The following EZH2 variants were observed in gnomAD, a reference collection of about 807,000 sequenced individuals.
EZH2 encodes histone-lysine N-methyltransferase EZH2.
EZH2 carries 18 observed loss-of-function variants against 98.4 expected under a neutral mutation model. That is an observed-to-expected ratio of 0.18 (90% CI 0.13 to 0.27). The LOEUF is 0.27. Ranked by LOEUF, EZH2 falls within the 10% of genes least tolerant of loss-of-function variation. The probability of loss-of-function intolerance (pLI) is 1.00; values close to 1 mark genes in which losing one functional copy is unlikely to be tolerated. For synonymous variants in EZH2, 338 were observed against 312.3 expected, an observed-to-expected ratio of 1.08 and a Z score of -0.87; for missense variants, 470 against 935.1, an observed-to-expected ratio of 0.50 and a Z score of 6.49.
chr7:148,849,223 A>C (rs2129485930), intron 1 of EZH2, among the ~76,000 whole-genome samples: 1 of 152,316 alleles, frequency 6.6e-6, no homozygotes, highest in Non-Finnish European at 1.5e-5. Context: ...CTTTGGGAGA[A>C]AGAAAAGAAT....
Position 148,819,570 on chromosome 7 carries a change from TGCAATAATTAG to T in EZH2, c.999+15_999+25del. On this transcript the variant is annotated intron_variant, in intron 9 of 19. Transcript: ENST00000320356. ...GTGCAAAGTCCTCTCAAGTACCCTC[TGCAATAATTAG>T]GCACTAAGTCTTACCAAATGCTGGT... 6.3e-7 allele frequency: 1 copy of T among 1,593,630 alleles called. No individual in the cohort carries two copies. Among genetic ancestry groups the T allele is most frequent in the Non-Finnish European group, 8.6e-7 (1 of 1,162,030 alleles).
chr7:148,807,814 T>TAAAAA, intron 19 of EZH2, 108 bp from the exon 20 acceptor site: 6 of 399,444 alleles, frequency 1.5e-5, no homozygotes, highest in South Asian at 7.8e-5. Flanking sequence ...AAAATGTCTT[T>TAAAAA]AAAAAAAAAA....
In EZH2 at chr7:148,819,678, G is replaced by A. The variant is rs2129472403; in HGVS notation, c.917C>T (p.Ala306Val). ...CTTCCGCTTATAAGTGTTGGGTGTT[G>A]CATGAAAAGCTGCAAAATAAATGAA... ...LHRKCNYSFH[A>V]TPNTYKRKNT... Residue 306 changes from alanine to valine, a missense_variant, in exon 9 of 20, where the codon GCA becomes GTA. Physicochemically the swap from Ala to Val is moderately conservative, Grantham distance 64 (BLOSUM62 0). This residue lies in a region of EZH2 where 192 missense variants were observed against 306.8 expected (regional missense o/e 0.63). Coordinates refer to ENST00000320356, the MANE Select transcript of EZH2 (RefSeq NM_004456.5). The A allele has an allele frequency of 6.2e-7, 1 of 1,613,682 alleles. No homozygotes were observed. The highest frequency in any genetic ancestry group is 8.5e-7 in the Non-Finnish European group (1 of 1,179,786).
Position 148,810,511 on chromosome 7 carries a change from G to A in EZH2, c.1948-97C>T. 4.1e-6 allele frequency: 3 copies of A among 731,372 alleles called. No homozygotes were observed. In the Admixed American group the frequency reaches 6.4e-5, roughly 16 times the overall value. The allele number at this position is 731,372 out of a possible 1,614,324, so 45.3% of individuals were successfully genotyped here. Reference sequence around the variant, plus strand: ...CACAGAGTGAATACTGGACCTTCTGGAGAAAACGCAACAAAAAGGGTCACT... The same window carrying A: ...CACAGAGTGAATACTGGACCTTCTGAAGAAAACGCAACAAAAAGGGTCACT... On this transcript the variant is annotated intron_variant, in intron 16 of 19. Coordinates refer to ENST00000320356, the MANE Select transcript of EZH2 (RefSeq NM_004456.5).
chr7:148,876,458 T>C (rs1375409764), intron 1 of EZH2, among the ~76,000 whole-genome samples: 2 of 152,210 alleles, frequency 1.3e-5, no homozygotes, highest in East Asian at 1.9e-4. Flanking sequence ...ATGTAAATTA[T>C]ACTTCAATAC....
intron 1 of EZH2, among the ~76,000 whole-genome samples, chr7:148,872,010 T>C (rs1385173592): frequency 6.6e-6 from 1 of 152,236 alleles, no homozygotes; most frequent in Non-Finnish European, 1.5e-5. Flanking sequence ...GAGATATTTG[T>C]ATACCAACAT....
chr7:148,828,387 C>A (rs1253980162), intron 6 of EZH2, among the ~76,000 whole-genome samples: 2 of 152,080 alleles, frequency 1.3e-5, no homozygotes, highest in Non-Finnish European at 2.9e-5. Flanking sequence ...CCCAGCCAGA[C>A]TGTGCAGTGG....
chr7:148,810,442 C>A (rs73469687), intron 16 of EZH2, 28 bp from the exon 17 acceptor site: 15 of 1,530,476 alleles, frequency 9.8e-6, no homozygotes, highest in South Asian at 6.7e-5. Flanking sequence ...GGAGAAAATT[C>A]TTTTGGATAA....
At chr7:148,828,139 A>G (rs75344305) in intron 6 of EZH2, among the ~76,000 whole-genome samples, 1,742 of 152,290 alleles carry the variant, frequency 0.011, 26 homozygotes, top group African/African-American at 0.04. Flanking sequence ...TGGATCTGAT[A>G]ATAACATCCA....
intron 8 of EZH2, among the ~76,000 whole-genome samples, chr7:148,826,157 T>C (rs1279072090): frequency 6.6e-6 from 1 of 152,086 alleles, no homozygotes; most frequent in Non-Finnish European, 1.5e-5. Context: ...GGCTACCAGT[T>C]CATAATAATA....
intron 1 of EZH2, among the ~76,000 whole-genome samples, chr7:148,870,828 C>T (rs1204309920): frequency 1.3e-5 from 2 of 151,642 alleles, no homozygotes; most frequent in African/African-American, 4.9e-5. Context: ...ACTCAGGAGG[C>T]TGAGGCAGGA....
chr7:148,827,086 G>C, intron 7 of EZH2, 78 bp downstream of exon 7: 2 of 1,068,438 alleles, frequency 1.9e-6, no homozygotes, highest in South Asian at 1.5e-5. Flanking sequence ...CCGCTACATT[G>C]ATTCCATTTG....
At chr7:148,849,615 A>G (rs890401448) in intron 1 of EZH2, among the ~76,000 whole-genome samples, 21 of 152,334 alleles carry the variant, frequency 1.4e-4, no homozygotes, top group African/African-American at 4.3e-4. Context: ...TAAGCAGGCT[A>G]AACTCAAGAT....
At chr7:148,870,226 A>C (rs1819152995) in intron 1 of EZH2, among the ~76,000 whole-genome samples, 1 of 152,222 alleles carries the variant, frequency 6.6e-6, no homozygotes, top group Admixed American at 6.5e-5. Flanking sequence ...TACTCTAGAA[A>C]AGTATTTCCC....
intron 15 of EZH2, 67 bp from the exon 16 acceptor site, chr7:148,811,787 C>A: frequency 7.4e-7 from 1 of 1,355,184 alleles, no homozygotes; most frequent in Non-Finnish European, 1.0e-6. Context: ...ACAAAGTAGA[C>A]TACAGAATGA....
At position 148,872,531 on chromosome 7, in the gene EZH2, T is replaced by C. The variant is rs114011957; in HGVS notation, c.-8+11633A>G. On this transcript the variant is annotated intron_variant, in intron 1 of 19. Coordinates refer to ENST00000320356, the MANE Select transcript of EZH2 (RefSeq NM_004456.5). Reference sequence around the variant, plus strand: ...AAAGTAAAATGTTTGATTTAGAAACTACATGTATATTAGGTACAGGTTAGG... The same window carrying C: ...AAAGTAAAATGTTTGATTTAGAAACCACATGTATATTAGGTACAGGTTAGG... 1.5e-3 allele frequency among the ~76,000 whole-genome samples: 231 copies of C among 152,352 alleles called. 2 individuals carry two copies. Among genetic ancestry groups the C allele is most frequent in the African/African-American group, 5.1e-3 (214 of 41,582 alleles).
intron 3 of EZH2, 70 bp from the exon 4 acceptor site, chr7:148,832,820 TAA>T: frequency 1.1e-6 from 1 of 904,396 alleles, no homozygotes; most frequent in East Asian, 2.4e-5. Context: ...CATCATATTG[TAA>T]AGAGATGCTG....
At chr7:148,882,621 G>A (rs1246141739) in intron 1 of EZH2, among the ~76,000 whole-genome samples, 2 of 152,152 alleles carry the variant, frequency 1.3e-5, no homozygotes, top group Admixed American at 6.5e-5. Context: ...CTTATGAAGA[G>A]TAATAGAAAA....
At chr7:148,837,070 G>C (rs1407896927) in intron 3 of EZH2, 7 of 439,552 alleles carry the variant, frequency 1.6e-5, no homozygotes, top group Non-Finnish European at 2.3e-5. Context: ...CTTTACCAAA[G>C]TTAGCTTCTT....
Sources: allele counts gnomAD v4.1 joint callset (sites outside exome capture counted in the v4.1 genomes callset), GRCh38; gene constraint gnomAD v4.1.1; regional missense constraint gnomAD v4.1.1; transcripts MANE v1.5; gene names NCBI Gene and HGNC (gene_info 2026-07-23, HGNC 2026-07-21).